CBR4: variants seen among roughly 807,000 people sequenced by gnomAD.
The protein encoded by CBR4 is 3-oxoacyl-[acyl-carrier-protein] reductase.
Under a neutral mutation model 21.0 loss-of-function variants are expected in CBR4, and 22 were observed. The observed-to-expected ratio is 1.05, with a 90% confidence interval of 0.75 to 1.50. The LOEUF (loss-of-function observed/expected upper bound fraction) is 1.50, where lower values mean the gene tolerates loss of function less well. Ranked by LOEUF, CBR4 falls within the 40% of genes most tolerant of loss-of-function variation. The probability of loss-of-function intolerance (pLI) is 0.00; values close to 1 mark genes in which losing one functional copy is unlikely to be tolerated. For missense variants in CBR4, 302 were observed against 286.3 expected, an observed-to-expected ratio of 1.05 and a Z score of -0.40; for synonymous variants, 100 against 104.4, an observed-to-expected ratio of 0.96 and a Z score of 0.26.
chr4:168,905,991 C>T (rs1036570067), intron 2 of CBR4, among the ~76,000 whole-genome samples: 5 of 151,836 alleles, frequency 3.3e-5, no homozygotes, highest in Non-Finnish European at 5.9e-5. Context: ...CCACCTGCCT[C>T]GGCCTCTTTT....
rs982482401 is a variant in CBR4 at position 168,950,521 on chromosome 4, C to T, written n.169+51550G>A. Among the ~76,000 whole-genome samples, 8 of 152,112 alleles carry T rather than the reference C, an allele frequency of 5.3e-5. No individual in the cohort carries two copies. The South Asian group carries it at 1.7e-3, about 32-fold the overall frequency. On this transcript the variant is annotated intron_variant and non_coding_transcript_variant, in intron 2 of 3. Coordinates refer to the CBR4 transcript ENST00000509108. ...CTCGTTTTGTGGCCTATCATATGGT[C>T]TATCTTGGAGAAAATTCCATGCACT...
At chr4:168,978,807 A>T (rs1228646255) in intron 2 of CBR4, among the ~76,000 whole-genome samples, 1 of 152,154 alleles carries the variant, frequency 6.6e-6, no homozygotes, top group Non-Finnish European at 1.5e-5. Flanking sequence ...TGAGAAGCAG[A>T]CGAACTACAG....
In CBR4 at chr4:168,898,554, G is replaced by A. The variant is rs201707558; in HGVS notation, n.170-3789C>T. The A allele has an allele frequency of 2.9e-5, 47 of 1,613,682 alleles. No homozygotes were observed. The Middle Eastern group carries it at 4.9e-4, about 17-fold the overall frequency. ...AGTGAAATAGAGTACAGGCTAGAAA[G>A]GTCTCCTGTGGATGAATCAGGTGAT... On this transcript the variant is annotated intron_variant and non_coding_transcript_variant, in intron 2 of 3. Coordinates refer to the CBR4 transcript ENST00000509108.
chr4:169,002,062 T>C lies in CBR4; in HGVS notation c.535+9A>G. On this transcript the variant is annotated intron_variant, in intron 4 of 4. Coordinates refer to ENST00000306193, the MANE Select transcript of CBR4 (RefSeq NM_032783.5). Reference sequence around the variant, plus strand: ...ATAATCAAGTTATTTTAATAAAGTTTTCACTAACCTGGTGCAACTACATTC... The same window carrying C: ...ATAATCAAGTTATTTTAATAAAGTTCTCACTAACCTGGTGCAACTACATTC... 2 of 1,556,162 alleles carry C rather than the reference T, an allele frequency of 1.3e-6. No homozygotes were observed. Among genetic ancestry groups the C allele is most frequent in the Non-Finnish European group, 8.7e-7 (1 of 1,154,290 alleles).
Position 169,007,594 on chromosome 4 carries a change from TTAAA to T in CBR4, c.263+38_263+41del, listed in dbSNP as rs1320333151. On this transcript the variant is annotated intron_variant, in intron 2 of 4. Transcript: ENST00000306193. ...CAAAGACATATTAGGAATAAAAGTT[TTAAA>T]TATATATATAAGAAACTTATTTAAA... 3.1e-6 allele frequency: 4 copies of T among 1,291,830 alleles called. No individual in the cohort carries two copies. The East Asian group carries it at 1.2e-4, about 38-fold the overall frequency. The allele number at this position is 1,291,830 out of a possible 1,614,324, so 80.0% of individuals were successfully genotyped here.
intron 2 of CBR4, among the ~76,000 whole-genome samples, chr4:168,936,179 C>T (rs555674550): frequency 6.6e-6 from 1 of 152,194 alleles, no homozygotes; most frequent in Non-Finnish European, 1.5e-5. Context: ...AGCAGACCTG[C>T]AGTAGAGGGC....
chr4:169,005,873 A>G, intron 3 of CBR4: 1 of 1,287,492 alleles, frequency 7.8e-7, no homozygotes, highest in Non-Finnish European at 1.0e-6. Context: ...TTAAAAGAAC[A>G]GGGTCACTTA....
At chr4:168,968,069 C>T (rs1379881362) in intron 2 of CBR4, among the ~76,000 whole-genome samples, 8 of 125,962 alleles carry the variant, frequency 6.4e-5, no homozygotes, top group Non-Finnish European at 4.9e-5. Flanking sequence ...AACACTAGTG[C>T]CTTTCCTTTG....
intron 2 of CBR4, among the ~76,000 whole-genome samples, chr4:168,958,737 A>T (rs887765945): frequency 2.0e-5 from 3 of 152,192 alleles, no homozygotes; most frequent in Non-Finnish European, 4.4e-5. Context: ...CCTTTCAGCC[A>T]TTCTAATGGA....
chr4:168,996,603 T>C (rs4692682), intron 4 of CBR4, among the ~76,000 whole-genome samples: 104,413 of 152,062 alleles, frequency 0.69, 37,377 homozygotes, highest in East Asian at 0.96. Context: ...GTTCACTCTT[T>C]AGACTGTACA....
chr4:168,896,676 GT>G (rs1449440209), intron 2 of CBR4: 2 of 800,800 alleles, frequency 2.5e-6, no homozygotes, highest in African/African-American at 3.5e-5. Flanking sequence ...TTTTACGTGT[GT>G]TTCTATCTTT....
intron 2 of CBR4, among the ~76,000 whole-genome samples, chr4:169,007,356 A>G (rs1730991286): frequency 6.6e-6 from 1 of 152,244 alleles, no homozygotes; most frequent in Non-Finnish European, 1.5e-5. Context: ...ACAGTTACCA[A>G]CAAGGAAGTA....
intron 2 of CBR4, among the ~76,000 whole-genome samples, chr4:168,966,217 T>C (rs896977485): frequency 1.3e-5 from 2 of 152,046 alleles, no homozygotes; most frequent in African/African-American, 2.4e-5. Context: ...CCAGTTAGAA[T>C]GGCGATCATT....
downstream of CBR4, among the ~76,000 whole-genome samples, chr4:168,986,925 C>A (rs1277835349): frequency 6.6e-6 from 1 of 152,096 alleles, no homozygotes; most frequent in Non-Finnish European, 1.5e-5. Flanking sequence ...CGAGGCAACA[C>A]AGCAAAACCC....
At chr4:168,916,548 T>C (rs1363718344) in intron 2 of CBR4, among the ~76,000 whole-genome samples, 1 of 152,186 alleles carries the variant, frequency 6.6e-6, no homozygotes, top group Non-Finnish European at 1.5e-5. Context: ...CTCTAGAAAG[T>C]CATCAGGAGG....
At chr4:168,973,725 CTTG>C (rs1298030314) in intron 2 of CBR4, among the ~76,000 whole-genome samples, 3 of 152,326 alleles carry the variant, frequency 2.0e-5, no homozygotes, top group African/African-American at 7.2e-5. Flanking sequence ...AATCTCGCTA[CTTG>C]TTATCGGTCT....
At chr4:168,914,184 G>A (rs779710692) in intron 2 of CBR4, 120 of 636,846 alleles carry the variant, frequency 1.9e-4, no homozygotes, top group Non-Finnish European at 3.0e-4. Context: ...ATGCTCCCTT[G>A]TGATGCAGAA....
Position 168,925,164 on chromosome 4 carries a change from TTATA to T in CBR4, n.170-30403_170-30400del, listed in dbSNP as rs1762325017. Reference sequence around the variant, plus strand: ...TCTGGACAGCAAATCACATTACTCTTTATAAACAACTATTGTGTTTTATTTGTCA... The same window carrying T: ...TCTGGACAGCAAATCACATTACTCTTAACAACTATTGTGTTTTATTTGTCA... On this transcript the variant is annotated intron_variant and non_coding_transcript_variant, in intron 2 of 3. Transcript: ENST00000509108. The T allele has an allele frequency of 3.8e-6, 6 of 1,585,538 alleles. No homozygotes were observed. In the Admixed American group the frequency reaches 6.7e-5, roughly 18 times the overall value.
rs140672110 is a variant in CBR4 at position 168,982,468 on chromosome 4, G to A, written n.169+19603C>T. Among the ~76,000 whole-genome samples, 854 of 152,240 alleles carry A rather than the reference G, an allele frequency of 5.6e-3. 23 individuals carry two copies. The highest frequency in any genetic ancestry group is 0.053 in the Admixed American group (804 of 15,284). ...AGATGTAGATAACCATAAACTAATAGTAGGAGACTTCAACATCCCACTGAA... is the reference window on the plus strand; with the variant it reads ...AGATGTAGATAACCATAAACTAATAATAGGAGACTTCAACATCCCACTGAA... On this transcript the variant is annotated intron_variant and non_coding_transcript_variant, in intron 2 of 3. Transcript: ENST00000509108.
Sources: allele counts gnomAD v4.1 joint callset (sites outside exome capture counted in the v4.1 genomes callset), GRCh38; gene constraint gnomAD v4.1.1; transcripts MANE v1.5; gene names NCBI Gene and HGNC (gene_info 2026-07-23, HGNC 2026-07-21).